Variants in GLT1D1 observed in about 807,000 individuals in gnomAD.
GLT1D1 encodes glycosyltransferase 1 domain-containing protein 1.
A neutral mutation model predicts 28.7 loss-of-function variants in GLT1D1; 21 were observed. That is an observed-to-expected ratio of 0.73 (90% CI 0.52 to 1.05). GLT1D1 has a LOEUF of 1.05. Among genes scored for constraint, GLT1D1 ranks in the 50% least tolerant of loss-of-function variants. GLT1D1 has a pLI of 0.00. For synonymous variants in GLT1D1, 147 were observed against 124.8 expected (o/e 1.18, Z -1.19); for missense variants, 343 against 330.6 (o/e 1.04, Z -0.29).
chr12:128,909,243 G>A (rs1196511483), intron 4 of GLT1D1, among the ~76,000 whole-genome samples: 1 of 147,636 alleles, frequency 6.8e-6, no homozygotes. Context: ...AAGAAAAATT[G>A]TTCTTTGTGT....
At chr12:128,887,494 T>TACACAC (rs58713965) in intron 2 of GLT1D1, among the ~76,000 whole-genome samples, 2 of 145,656 alleles carry the variant, frequency 1.4e-5, no homozygotes, top group East Asian at 2.0e-4. Flanking sequence ...TCTATGTGAG[T>TACACAC]ACACACACAC....
rs555159908 is a variant in GLT1D1, at chr12:128,978,576, C to T, written c.640-4353C>T. Among the ~76,000 whole-genome samples, 3 of 152,150 alleles carry T rather than the reference C, an allele frequency of 2.0e-5. No individual in the cohort carries two copies. The South Asian group carries it at 6.2e-4, about 31-fold the overall frequency. ...AGGAAACCACTTTTTCCAGAAGACA[C>T]TGACTGCTGATCTCTCCCTCCCATC... On this transcript the variant is annotated intron_variant, in intron 7 of 7. Coordinates refer to ENST00000281703, the MANE Select transcript of GLT1D1 (RefSeq NM_144669.3).
intron 6 of GLT1D1, among the ~76,000 whole-genome samples, chr12:128,948,268 A>G (rs920771017): frequency 5.3e-5 from 8 of 152,114 alleles, no homozygotes; most frequent in African/African-American, 1.9e-4. Context: ...GGTCCTAGAG[A>G]GAATCACCAG....
intron 4 of GLT1D1, among the ~76,000 whole-genome samples, chr12:128,915,958 C>A (rs1315837170): frequency 2.6e-5 from 4 of 152,038 alleles, no homozygotes; most frequent in Non-Finnish European, 5.9e-5. Flanking sequence ...TGACAAATAC[C>A]CCAATCAAGA....
In GLT1D1 at chr12:128,948,984, C is replaced by T. The variant is rs530339633; in HGVS notation, c.540+1526C>T. On this transcript the variant is annotated intron_variant, in intron 6 of 7. Transcript: ENST00000281703. ...AAGTGTGAGTTTGTAACGTGATCATCCTCAGCCAGATGTCAGCACCTCTGC... is the reference window on the plus strand; with the variant it reads ...AAGTGTGAGTTTGTAACGTGATCATTCTCAGCCAGATGTCAGCACCTCTGC... 7.9e-5 allele frequency among the ~76,000 whole-genome samples: 12 copies of T among 152,334 alleles called. 1 individual carries two copies. The East Asian group carries it at 2.1e-3, about 27-fold the overall frequency.
chr12:128,942,215 C>A (rs1266124801), intron 4 of GLT1D1, among the ~76,000 whole-genome samples: 5 of 151,840 alleles, frequency 3.3e-5, no homozygotes, highest in African/African-American at 1.2e-4. Context: ...AAAGTAATAG[C>A]CTCAGTTATG....
intron 4 of GLT1D1, among the ~76,000 whole-genome samples, chr12:128,913,649 C>G (rs987057581): frequency 1.3e-5 from 2 of 152,244 alleles, no homozygotes; most frequent in Non-Finnish European, 2.9e-5. Context: ...GCCAGGCGTT[C>G]GGGCCTCCTG....
intron 2 of GLT1D1, among the ~76,000 whole-genome samples, chr12:128,882,287 T>A (rs2135814626): frequency 6.6e-6 from 1 of 150,994 alleles, no homozygotes; most frequent in African/African-American, 2.4e-5. Context: ...TTTTTTTTTT[T>A]TTTTTTTGAG....
intron 7 of GLT1D1, among the ~76,000 whole-genome samples, chr12:128,967,021 C>A (rs60967945): frequency 6.6e-6 from 1 of 152,116 alleles, no homozygotes; most frequent in African/African-American, 2.4e-5. Context: ...TTTATAGCTT[C>A]GAAATTAAAA....
chr12:128,887,067 G>A (rs1025299254), intron 2 of GLT1D1, among the ~76,000 whole-genome samples: 29 of 150,848 alleles, frequency 1.9e-4, no homozygotes, highest in African/African-American at 6.9e-4. Context: ...GCTGCAGTGC[G>A]GTGGCGTGAT....
At chr12:128,941,310 A>G (rs929094001) in intron 4 of GLT1D1, among the ~76,000 whole-genome samples, 1 of 152,238 alleles carries the variant, frequency 6.6e-6, no homozygotes, top group African/African-American at 2.4e-5. Context: ...ACCTTTGGTC[A>G]TAGACTTACT....
At position 128,945,322 on chromosome 12, in the gene GLT1D1, T is replaced by C; in HGVS notation, c.376-4T>C. The C allele has an allele frequency of 6.2e-7, 1 of 1,614,038 alleles. No homozygotes were observed. The highest frequency in any genetic ancestry group is 8.5e-7 in the Non-Finnish European group (1 of 1,179,884). On this transcript the variant is annotated splice_region_variant and splice_polypyrimidine_tract_variant and intron_variant, in intron 4 of 7. Coordinates refer to ENST00000281703, the MANE Select transcript of GLT1D1 (RefSeq NM_144669.3). ...CGCTGACATTTATCTTTGTCTCTTT[T>C]CAGGTCGATCCAGTGTTTACAAGGG...
In GLT1D1 at chr12:128,876,379, G is replaced by T. The variant is rs571873303; in HGVS notation, c.217+317G>T. Among the ~76,000 whole-genome samples, 8 of 152,264 alleles carry T rather than the reference G, an allele frequency of 5.3e-5. 1 individual carries two copies. The South Asian group carries it at 1.7e-3, about 32-fold the overall frequency. ...GCTGGAGTGCAGTGATACAATCTCG[G>T]CTCGCTGCAACCTCCGCTTCCTGGG... On this transcript the variant is annotated intron_variant, in intron 2 of 7. Coordinates refer to ENST00000281703, the MANE Select transcript of GLT1D1 (RefSeq NM_144669.3).
At chr12:128,928,480 A>C (rs540586636) in intron 4 of GLT1D1, among the ~76,000 whole-genome samples, 1 of 152,242 alleles carries the variant, frequency 6.6e-6, no homozygotes, top group East Asian at 1.9e-4. Flanking sequence ...GATTCATAGA[A>C]TCTGTGGCTG....
At chr12:128,923,857 A>G (rs78531664) in intron 4 of GLT1D1, among the ~76,000 whole-genome samples, 285 of 152,094 alleles carry the variant, frequency 1.9e-3, no homozygotes, top group Non-Finnish European at 3.2e-3. Context: ...CACTATAGGA[A>G]TTTGGACTGT....
chr12:128,916,642 G>A (rs1593127520), intron 4 of GLT1D1, among the ~76,000 whole-genome samples: 1 of 152,064 alleles, frequency 6.6e-6, no homozygotes, highest in Admixed American at 6.6e-5. Context: ...GTGCGCGTTG[G>A]CCATTCATGT....
At chr12:128,891,407 A>G (rs2135834784) in intron 3 of GLT1D1, among the ~76,000 whole-genome samples, 1 of 152,272 alleles carries the variant, frequency 6.6e-6, no homozygotes, top group South Asian at 2.1e-4. Flanking sequence ...TAACCCTGAA[A>G]CCACAGTTTA....
chr12:128,905,741 A>G (rs375815033), intron 4 of GLT1D1, among the ~76,000 whole-genome samples: 1 of 152,134 alleles, frequency 6.6e-6, no homozygotes, highest in Non-Finnish European at 1.5e-5. Context: ...CTAGGCTGTT[A>G]ATGCCTAGCA....
intron 1 of GLT1D1, chr12:128,864,232 T>A (rs925075980): frequency 3.4e-5 from 20 of 581,068 alleles, no homozygotes; most frequent in African/African-American, 7.8e-5. Flanking sequence ...TCCGAGAGGC[T>A]TCCGGGCTGA....
Sources: allele counts gnomAD v4.1 joint callset (sites outside exome capture counted in the v4.1 genomes callset), GRCh38; gene constraint gnomAD v4.1.1; transcripts MANE v1.5; gene names NCBI Gene and HGNC (gene_info 2026-07-23, HGNC 2026-07-21).